The following SMYD3 variants were observed in gnomAD, a reference collection of about 807,000 sequenced individuals.
The protein encoded by SMYD3 is SET and MYND domain containing 3.
SMYD3 carries 36 observed loss-of-function variants against 57.7 expected under a neutral mutation model. The observed-to-expected ratio is 0.62, with a 90% CI of 0.48 to 0.82. The LOEUF is 0.82. Ranked by LOEUF, SMYD3 falls within the 40% of genes least tolerant of loss-of-function variation. The probability of loss-of-function intolerance (pLI) is 0.00; values close to 1 mark genes in which losing one functional copy is unlikely to be tolerated. For missense variants in SMYD3, 515 were observed against 538.8 expected (o/e 0.96, Z 0.44); for synonymous variants, 211 against 195.0 (o/e 1.08, Z -0.68).
At chr1:245,953,576 C>T (rs1481370906) in intron 5 of SMYD3, among the ~76,000 whole-genome samples, 1 of 152,122 alleles carries the variant, frequency 6.6e-6, no homozygotes, top group African/African-American at 2.4e-5. Context: ...CCTGACACCA[C>T]GTCTGGCTAA....
intron 8 of SMYD3, among the ~76,000 whole-genome samples, chr1:245,869,750 T>C: frequency 6.6e-6 from 1 of 152,178 alleles, no homozygotes; most frequent in African/African-American, 2.4e-5. Flanking sequence ...CTGACTTCAC[T>C]GCACCCACTC....
At chr1:246,185,470 TTTG>T (rs1558297720) in intron 5 of SMYD3, among the ~76,000 whole-genome samples, 4 of 53,588 alleles carry the variant, frequency 7.5e-5, no homozygotes, top group Non-Finnish European at 1.2e-4. Flanking sequence ...TTTTTTTTTT[TTTG>T]AGACGGAGTT....
chr1:245,787,625 G>GT lies in SMYD3; in HGVS notation c.1077-23477dup, dbSNP rs1461578873. On this transcript the variant is annotated intron_variant, in intron 10 of 11. Coordinates refer to ENST00000490107, the MANE Select transcript of SMYD3 (RefSeq NM_001167740.2). ...TAGAAAAGTCTGATCCCATCAGGGT[G>GT]TTAAAAAAAAAAAAAGGCAACCTTA... 3.8e-5 allele frequency among the ~76,000 whole-genome samples: 5 copies of GT among 130,538 alleles called. No individual in the cohort carries two copies. The East Asian group carries it at 1.4e-3, about 38-fold the overall frequency. 85.6% of individuals were successfully genotyped at this position (130,538 alleles called of 152,430 possible).
At chr1:245,899,820 G>A (rs998048301) in intron 8 of SMYD3, among the ~76,000 whole-genome samples, 3 of 152,172 alleles carry the variant, frequency 2.0e-5, no homozygotes, top group African/African-American at 7.2e-5. Context: ...CCAAAAGGCT[G>A]CAATTCCCTC....
chr1:245,847,368 C>T (rs1451688290), intron 10 of SMYD3, among the ~76,000 whole-genome samples: 1 of 152,190 alleles, frequency 6.6e-6, no homozygotes, highest in Non-Finnish European at 1.5e-5. Context: ...TCCATCTATC[C>T]TTCGGGAGTT....
chr1:246,180,098 C>G (rs1175791351), intron 5 of SMYD3, among the ~76,000 whole-genome samples: 2 of 151,078 alleles, frequency 1.3e-5, no homozygotes, highest in Non-Finnish European at 2.9e-5. Context: ...ACTTGAGCCA[C>G]AGAGTTCAAG....
At chr1:246,403,474 T>A (rs1350141263) in intron 1 of SMYD3, among the ~76,000 whole-genome samples, 2 of 152,210 alleles carry the variant, frequency 1.3e-5, no homozygotes, top group Non-Finnish European at 2.9e-5. Context: ...AAGAAAAATA[T>A]ATCCCAGTTT....
At chr1:246,495,121 G>A (rs58344515) in intron 1 of SMYD3, among the ~76,000 whole-genome samples, 21,395 of 151,780 alleles carry the variant, frequency 0.14, 2,020 homozygotes, top group African/African-American at 0.27. Flanking sequence ...AGGCCAAGGC[G>A]GGTGGATCAC....
chr1:245,981,714 CTTTAATGTTAA>C (rs2058600784), intron 5 of SMYD3, among the ~76,000 whole-genome samples: 1 of 152,190 alleles, frequency 6.6e-6, no homozygotes, highest in African/African-American at 2.4e-5. Flanking sequence ...GAGAATGATC[CTTTAATGTTAA>C]TACTGAAAGC....
intron 1 of SMYD3, among the ~76,000 whole-genome samples, chr1:246,462,859 A>G (rs2067823854): frequency 6.6e-6 from 1 of 152,202 alleles, no homozygotes; most frequent in African/African-American, 2.4e-5. Context: ...AACAAAATAC[A>G]TTTTAATTGA....
intron 10 of SMYD3, among the ~76,000 whole-genome samples, chr1:245,805,012 T>C (rs1006139373): frequency 6.6e-6 from 1 of 152,170 alleles, no homozygotes; most frequent in Non-Finnish European, 1.5e-5. Flanking sequence ...GCAAGACCCA[T>C]TTCATATCAA....
intron 10 of SMYD3, among the ~76,000 whole-genome samples, chr1:245,847,324 T>C (rs1013083881): frequency 3.9e-5 from 6 of 152,200 alleles, no homozygotes; most frequent in African/African-American, 1.4e-4. Flanking sequence ...GTCTGACAAG[T>C]TAGTTTTATG....
At chr1:246,326,466 TTA>T in intron 5 of SMYD3, 13 of 627,024 alleles carry the variant, frequency 2.1e-5, no homozygotes, top group East Asian at 5.7e-5. Context: ...TCGGAATCAT[TTA>T]AAAAAAAAAA....
At position 246,117,519 on chromosome 1, in the gene SMYD3, C is replaced by T. The variant is rs967947280; in HGVS notation, c.532-187582G>A. On this transcript the variant is annotated intron_variant, in intron 5 of 11. Transcript: ENST00000490107. ...TCATATTACAATTGAAATTATTTCA[C>T]GTGCTTTCTGAAATCTGATCCAGGT... Among the ~76,000 whole-genome samples the T allele has an allele frequency of 5.7e-4, 87 of 152,192 alleles. 1 individual carries two copies. Among genetic ancestry groups the T allele is most frequent in the Non-Finnish European group, 5.9e-5 (4 of 68,040 alleles).
At chr1:245,763,546 G>A (rs1572268509) in intron 11 of SMYD3, among the ~76,000 whole-genome samples, 1 of 152,288 alleles carries the variant, frequency 6.6e-6, no homozygotes, top group African/African-American at 2.4e-5. Flanking sequence ...GTCACAGTGG[G>A]TCCTGGTGAA....
chr1:246,404,723 G>A (rs1402695296), intron 1 of SMYD3, among the ~76,000 whole-genome samples: 2 of 152,042 alleles, frequency 1.3e-5, no homozygotes. Context: ...CATTTGGCTA[G>A]TTAATGAAAA....
intron 5 of SMYD3, among the ~76,000 whole-genome samples, chr1:245,941,484 CA>C (rs376377310): frequency 3.9e-5 from 6 of 152,270 alleles, no homozygotes; most frequent in Non-Finnish European, 8.8e-5. Flanking sequence ...GGAAACCCTA[CA>C]AGGTGGAAGA....
chr1:246,390,450 A>G (rs915895446), intron 1 of SMYD3, among the ~76,000 whole-genome samples: 2 of 152,088 alleles, frequency 1.3e-5, no homozygotes, highest in African/African-American at 2.4e-5. Context: ...GCTGTATGGG[A>G]ACAAAGTTAC....
At chr1:246,331,493 C>T (rs1276976978) in intron 3 of SMYD3, among the ~76,000 whole-genome samples, 2 of 152,182 alleles carry the variant, frequency 1.3e-5, no homozygotes, top group African/African-American at 4.8e-5. Flanking sequence ...TCTTTATTCC[C>T]ACAAGAAGAT....
Sources: gnomAD v4.1 joint callset for allele counts (sites outside exome capture counted in the v4.1 genomes callset) on GRCh38, gnomAD v4.1.1 for gene constraint, MANE v1.5 for transcripts, NCBI Gene and HGNC (gene_info 2026-07-23, HGNC 2026-07-21) for gene names.